FGD5: variants seen among roughly 807,000 people sequenced by gnomAD.
The protein encoded by FGD5 is FYVE, RhoGEF and PH domain-containing protein 5.
In FGD5, 28 loss-of-function variants were observed where a neutral mutation model predicts 133.4. The ratio of observed to expected loss-of-function variants is 0.21; its 90% CI spans 0.16 to 0.29. FGD5 has a LOEUF of 0.29. Ranked by LOEUF, FGD5 falls within the 10% of genes least tolerant of loss-of-function variation. FGD5 has a pLI of 1.00. For synonymous variants in FGD5, 810 were observed against 776.5 expected (o/e 1.04, Z -0.72); for missense variants, 1,858 against 1,895.2 (o/e 0.98, Z 0.36).
At chr3:14,914,561 G>A (rs1351619278) in intron 11 of FGD5, among the ~76,000 whole-genome samples, 2 of 152,226 alleles carry the variant, frequency 1.3e-5, no homozygotes, top group African/African-American at 4.8e-5. Context: ...GGCCATCACA[G>A]AGAGGCTGGG....
At chr3:14,852,777 A>G (rs769680754) in intron 1 of FGD5, among the ~76,000 whole-genome samples, 3 of 152,172 alleles carry the variant, frequency 2.0e-5, no homozygotes, top group South Asian at 2.1e-4. Context: ...AACCATTACA[A>G]TGCTATCCCT....
At chr3:14,815,458 C>G (rs1183039949), upstream of FGD5, among the ~76,000 whole-genome samples, 1 of 152,116 alleles carries the variant, frequency 6.6e-6, no homozygotes, top group African/African-American at 2.4e-5. Context: ...CACCACCTCT[C>G]AATACAAGGT....
At chr3:14,818,902 A>T (rs2125066439), upstream of FGD5, 5 of 1,423,852 alleles carry the variant, frequency 3.5e-6, no homozygotes, top group East Asian at 1.3e-4. Flanking sequence ...GAGACTCTGA[A>T]TGGCAATAAA....
Position 14,868,268 on chromosome 3 carries a change from G to A in FGD5, c.2658+4008G>A, listed in dbSNP as rs2037534841. On this transcript the variant is annotated intron_variant, in intron 2 of 19. Coordinates refer to ENST00000285046, the MANE Select transcript of FGD5 (RefSeq NM_152536.4). Reference sequence around the variant, plus strand: ...CCCAGTAGCCAGCAGCCCCTCCCAGGGACCCCCTCCCCCACCTGAGTCTCA... The same window carrying A: ...CCCAGTAGCCAGCAGCCCCTCCCAGAGACCCCCTCCCCCACCTGAGTCTCA... 4.0e-5 allele frequency among the ~76,000 whole-genome samples: 6 copies of A among 150,694 alleles called. No homozygotes were observed. The South Asian group carries it at 8.5e-4, about 21-fold the overall frequency.
intron 4 of FGD5, among the ~76,000 whole-genome samples, chr3:14,889,646 T>A (rs900999085): frequency 6.6e-6 from 1 of 152,100 alleles, no homozygotes; most frequent in Non-Finnish European, 1.5e-5. Context: ...GTTAAAACAA[T>A]ATATATTCCC....
chr3:14,820,494 A>G lies in FGD5; in HGVS notation c.1423A>G (p.Arg475Gly). The G allele has an allele frequency of 1.9e-6, 3 of 1,613,970 alleles. No individual in the cohort carries two copies. The highest frequency in any genetic ancestry group is 2.5e-6 in the Non-Finnish European group (3 of 1,179,876). ...AGAGGGTGGCCTGGTTCCCGCGGAC[A>G]GGAAGAACACCAGCACGAGGGTCCG... is the stretch of plus-strand genomic sequence containing the variant. ...EAEGGLVPAD[R>G]KNTSTRVRPH... The change falls in exon 1 of 20, where the codon AGG becomes GGG. Residue 475 changes from arginine to glycine, a missense_variant. By Grantham distance (125) the Arg-to-Gly change is moderately radical. This residue lies in a region of FGD5 where 1,824 missense variants were observed against 1,848.9 expected (regional missense o/e 0.99). Transcript: ENST00000285046.
chr3:14,927,507 G>A (rs966095241), intron 18 of FGD5, among the ~76,000 whole-genome samples: 1 of 151,778 alleles, frequency 6.6e-6, no homozygotes, highest in African/African-American at 2.4e-5. Context: ...ACTTAAGTAT[G>A]ACTCCAAAAC....
At chr3:14,877,566 G>A (rs181946610) in intron 2 of FGD5, among the ~76,000 whole-genome samples, 15 of 152,354 alleles carry the variant, frequency 9.8e-5, no homozygotes, top group Admixed American at 3.9e-4. Context: ...TCTGAGAGGG[G>A]CTCGCCCACG....
chr3:14,842,121 G>A (rs752937508), intron 1 of FGD5, among the ~76,000 whole-genome samples: 9 of 152,220 alleles, frequency 5.9e-5, no homozygotes, highest in Non-Finnish European at 8.8e-5. Flanking sequence ...ACTCAGTGGC[G>A]TTCACAGCCA....
At chr3:14,872,147 G>C (rs1056242079) in intron 2 of FGD5, among the ~76,000 whole-genome samples, 1 of 152,236 alleles carries the variant, frequency 6.6e-6, no homozygotes, top group African/African-American at 2.4e-5. Context: ...CACAGAAGAA[G>C]CTAATGGGGT....
Position 14,864,128 on chromosome 3 carries a change from C to T in FGD5, c.2526C>T (p.Ser842=), listed in dbSNP as rs574656828. The part of the protein sequence containing the change: ...KQQSADQDAE[S]AYTEPYKVCP... ...CCTTCTTTCCCCTGCTTTGACCCAG[C>T]GCCTACACAGAGCCCTACAAAGTCT... is the stretch of plus-strand genomic sequence containing the variant. The change falls in exon 2 of 20, where the codon AGC becomes AGT. Residue 842 remains serine, a splice_region_variant and synonymous_variant. Transcript: ENST00000285046. 2.1e-5 allele frequency: 34 copies of T among 1,612,658 alleles called. No individual in the cohort carries two copies. The highest frequency in any genetic ancestry group is 1.7e-4 in the African/African-American group (13 of 75,014).
At position 14,835,506 on chromosome 3, in the gene FGD5, A is replaced by AAAAAGAAAAG. The variant is rs374249131; in HGVS notation, c.2525+13924_2525+13933dup. Among the ~76,000 whole-genome samples, 17 of 151,908 alleles carry AAAAAGAAAAG rather than the reference A, an allele frequency of 1.1e-4. 1 individual carries two copies. In the South Asian group the frequency reaches 3.3e-3, roughly 30 times the overall value. On this transcript the variant is annotated intron_variant, in intron 1 of 19. Coordinates refer to ENST00000285046, the MANE Select transcript of FGD5 (RefSeq NM_152536.4). ...CAGAGTGAGACTCTGTCTCAAAAAA[A>AAAAAGAAAAG]AAAAGAAAAGAAAAGAAAAGAAAGC...
intron 1 of FGD5, among the ~76,000 whole-genome samples, chr3:14,845,174 C>A (rs947120558): frequency 1.3e-5 from 2 of 152,196 alleles, no homozygotes; most frequent in African/African-American, 4.8e-5. Flanking sequence ...CTTCACTCCA[C>A]TGCAGGTCCT....
At chr3:14,844,267 TATATAA>T (rs2036999700) in intron 1 of FGD5, among the ~76,000 whole-genome samples, 1 of 90,242 alleles carries the variant, frequency 1.1e-5, no homozygotes, top group Non-Finnish European at 2.2e-5. Context: ...TATATATATA[TATATAA>T]TGCAGGTTTC....
At chr3:14,914,761 T>C (rs1285129898) in intron 11 of FGD5, among the ~76,000 whole-genome samples, 1 of 152,236 alleles carries the variant, frequency 6.6e-6, no homozygotes, top group African/African-American at 2.4e-5. Context: ...GCATGGCCTC[T>C]GGCCTCTCTG....
intron 4 of FGD5, among the ~76,000 whole-genome samples, chr3:14,884,032 C>T (rs1487992084): frequency 6.6e-6 from 1 of 152,076 alleles, no homozygotes; most frequent in East Asian, 1.9e-4. Flanking sequence ...TTTTGGAAAG[C>T]CAGGTAGGAG....
chr3:14,904,197 C>T (rs1295587687), intron 9 of FGD5, among the ~76,000 whole-genome samples: 2 of 152,156 alleles, frequency 1.3e-5, no homozygotes, highest in African/African-American at 4.8e-5. Context: ...TTTCCATGCC[C>T]TTTGGAAGAA....
intron 2 of FGD5, among the ~76,000 whole-genome samples, chr3:14,874,702 C>T (rs1347314966): frequency 1.3e-5 from 2 of 152,208 alleles, no homozygotes; most frequent in Admixed American, 6.5e-5. Context: ...AATCAGGCCT[C>T]CTGATCCCTC....
chr3:14,837,363 G>A (rs922843627), intron 1 of FGD5, among the ~76,000 whole-genome samples: 2 of 152,220 alleles, frequency 1.3e-5, no homozygotes, highest in African/African-American at 4.8e-5. Context: ...TCAGTTCACG[G>A]AGCAGTCATT....
Sources: gnomAD v4.1 joint callset for allele counts (sites outside exome capture counted in the v4.1 genomes callset) on GRCh38, gnomAD v4.1.1 for gene constraint, gnomAD v4.1.1 regional missense constraint, MANE v1.5 for transcripts, NCBI Gene and HGNC (gene_info 2026-07-23, HGNC 2026-07-21) for gene names.